Variants in NXPH1 observed in about 807,000 individuals in gnomAD.
NXPH1 encodes neurexophilin 1.
NXPH1 carries 5 observed loss-of-function variants against 23.7 expected under a neutral mutation model. The observed-to-expected ratio is 0.21, with a 90% CI of 0.11 to 0.44. NXPH1 has a LOEUF of 0.44. NXPH1 is among the 20% of genes least tolerant of loss of function. The probability of loss-of-function intolerance (pLI) is 0.99; values close to 1 mark genes in which losing one functional copy is unlikely to be tolerated. For missense variants in NXPH1, 324 were observed against 321.6 expected (o/e 1.01, Z -0.06); for synonymous variants, 144 against 122.2 (o/e 1.18, Z -1.18).
intron 2 of NXPH1, among the ~76,000 whole-genome samples, chr7:8,711,335 T>C (rs1440347444): frequency 1.3e-5 from 2 of 152,242 alleles, no homozygotes; most frequent in African/African-American, 4.8e-5. Context: ...GGGTTAGACA[T>C]ATTTATTTTT....
chr7:8,617,800 G>T (rs2349493), intron 2 of NXPH1, among the ~76,000 whole-genome samples: 54,985 of 151,936 alleles, frequency 0.36, 11,068 homozygotes, highest in African/African-American at 0.55. Flanking sequence ...AGAGTATAAT[G>T]GGATTGTTTG....
intron 2 of NXPH1, among the ~76,000 whole-genome samples, chr7:8,491,180 T>C (rs1183862657): frequency 1.3e-5 from 2 of 152,042 alleles, no homozygotes; most frequent in Non-Finnish European, 2.9e-5. Context: ...TTTATACTAA[T>C]AAGCTTGAAC....
intron 2 of NXPH1, among the ~76,000 whole-genome samples, chr7:8,535,115 G>A (rs1052931617): frequency 1.3e-5 from 2 of 152,030 alleles, no homozygotes; most frequent in African/African-American, 4.8e-5. Flanking sequence ...AGATGCTATA[G>A]CATCATTTAG....
intron 2 of NXPH1, among the ~76,000 whole-genome samples, chr7:8,541,610 G>A (rs1019057851): frequency 6.6e-6 from 1 of 151,494 alleles, no homozygotes; most frequent in Admixed American, 6.6e-5. Flanking sequence ...AAATAAAGAA[G>A]AATTTTTGGT....
At chr7:8,576,104 T>G (rs1165985432) in intron 2 of NXPH1, among the ~76,000 whole-genome samples, 2 of 152,200 alleles carry the variant, frequency 1.3e-5, no homozygotes, top group Non-Finnish European at 2.9e-5. Context: ...ACACAAGAAC[T>G]GATGAAGAGA....
At chr7:8,498,013 G>A (rs907598420) in intron 2 of NXPH1, among the ~76,000 whole-genome samples, 44 of 152,020 alleles carry the variant, frequency 2.9e-4, no homozygotes, top group African/African-American at 1.1e-3. Context: ...TTTCCTTATA[G>A]CAGTAGTATT....
intron 2 of NXPH1, among the ~76,000 whole-genome samples, chr7:8,534,173 T>C (rs1434732215): frequency 6.6e-6 from 1 of 152,092 alleles, no homozygotes; most frequent in Non-Finnish European, 1.5e-5. Flanking sequence ...CATGTATTTG[T>C]TTATCACTTG....
At chr7:8,575,528 A>G (rs1175258508) in intron 2 of NXPH1, among the ~76,000 whole-genome samples, 1 of 152,192 alleles carries the variant, frequency 6.6e-6, no homozygotes, top group Non-Finnish European at 1.5e-5. Flanking sequence ...ACTTCTACCT[A>G]CAGTCAATGC....
intron 2 of NXPH1, among the ~76,000 whole-genome samples, chr7:8,451,198 T>A (rs1032397037): frequency 6.6e-5 from 10 of 152,062 alleles, no homozygotes; most frequent in Non-Finnish European, 1.5e-4. Flanking sequence ...GGAATCCTGA[T>A]AACAGAGTGC....
chr7:8,726,548 A>G (rs978772607), intron 2 of NXPH1, among the ~76,000 whole-genome samples: 1 of 136,534 alleles, frequency 7.3e-6, no homozygotes, highest in African/African-American at 2.8e-5. Flanking sequence ...ATGTGTTCTC[A>G]TTGTTCAATT....
intron 2 of NXPH1, among the ~76,000 whole-genome samples, chr7:8,495,466 C>T (rs1817318596): frequency 6.6e-6 from 1 of 152,004 alleles, no homozygotes; most frequent in Non-Finnish European, 1.5e-5. Flanking sequence ...TGCCATCACA[C>T]ACCATGATGC....
At chr7:8,716,476 A>C (rs1445969675) in intron 2 of NXPH1, among the ~76,000 whole-genome samples, 2 of 152,254 alleles carry the variant, frequency 1.3e-5, no homozygotes, top group Non-Finnish European at 2.9e-5. Context: ...AAAATTTATA[A>C]CTAAATTTAT....
intron 2 of NXPH1, among the ~76,000 whole-genome samples, chr7:8,621,031 A>G (rs1819857039): frequency 6.6e-6 from 1 of 152,214 alleles, no homozygotes; most frequent in African/African-American, 2.4e-5. Flanking sequence ...TATGACACTG[A>G]GGTAGGCTGG....
chr7:8,725,679 C>G (rs972586785), intron 2 of NXPH1, among the ~76,000 whole-genome samples: 7 of 152,158 alleles, frequency 4.6e-5, no homozygotes, highest in African/African-American at 1.7e-4. Flanking sequence ...ATTCTATCTA[C>G]TAGACTTTAT....
At chr7:8,553,932 T>A (rs1342328132) in intron 2 of NXPH1, among the ~76,000 whole-genome samples, 1 of 151,688 alleles carries the variant, frequency 6.6e-6, no homozygotes, top group Non-Finnish European at 1.5e-5. Context: ...TCAATTATAT[T>A]TATTTCCAAG....
chr7:8,743,983 C>G (rs1181933701), intron 2 of NXPH1, among the ~76,000 whole-genome samples: 2 of 152,152 alleles, frequency 1.3e-5, no homozygotes, highest in Non-Finnish European at 2.9e-5. Context: ...CGCGCCCTGC[C>G]AAAGCATGGC....
intron 2 of NXPH1, among the ~76,000 whole-genome samples, chr7:8,645,390 A>G (rs969930142): frequency 6.6e-6 from 1 of 151,956 alleles, no homozygotes; most frequent in Non-Finnish European, 1.5e-5. Context: ...TGGGCTTTTC[A>G]TTTACAGTTT....
chr7:8,466,964 A>G (rs1013609879), intron 2 of NXPH1, among the ~76,000 whole-genome samples: 11 of 152,090 alleles, frequency 7.2e-5, no homozygotes, highest in African/African-American at 2.7e-4. Flanking sequence ...TTTCCAAACC[A>G]TAGTAGTTTC....
At chr7:8,535,146 T>C (rs1327470079) in intron 2 of NXPH1, among the ~76,000 whole-genome samples, 2 of 152,068 alleles carry the variant, frequency 1.3e-5, no homozygotes, top group Non-Finnish European at 2.9e-5. Context: ...AGTTAAAATA[T>C]AGACAGACAG....
Sources: allele counts gnomAD v4.1 joint callset (sites outside exome capture counted in the v4.1 genomes callset), GRCh38; gene constraint gnomAD v4.1.1; transcripts MANE v1.5; gene names NCBI Gene and HGNC (gene_info 2026-07-23, HGNC 2026-07-21).